The following MIB1 variants were observed in gnomAD, a reference collection of about 807,000 sequenced individuals.
MIB1 encodes the protein E3 ubiquitin-protein ligase MIB1.
MIB1 carries 278 observed loss-of-function variants against 124.5 expected under a neutral mutation model. That is an observed-to-expected ratio of 2.23 (90% CI 2.02 to 2.47). The LOEUF is 2.47. Among genes scored for constraint, MIB1 ranks in the 30% most tolerant of loss-of-function variants. The pLI, the probability that MIB1 is intolerant of heterozygous loss-of-function variation, is 0.00. For missense variants in MIB1, 957 were observed against 1,254.4 expected (o/e 0.76, Z 3.58); for synonymous variants, 446 against 429.4 (o/e 1.04, Z -0.48).
intron 4 of MIB1, among the ~76,000 whole-genome samples, chr18:21,776,819 A>G (rs1186793280): frequency 6.6e-6 from 1 of 151,916 alleles, no homozygotes; most frequent in Non-Finnish European, 1.5e-5. Context: ...CCTCGTAAAA[A>G]TACAAATATT....
intron 10 of MIB1, among the ~76,000 whole-genome samples, chr18:21,813,189 G>A (rs1345188623): frequency 6.7e-6 from 1 of 148,498 alleles, no homozygotes; most frequent in African/African-American, 2.5e-5. Context: ...TTTTTTAATG[G>A]AAGGTGAATC....
chr18:21,778,576 G>C (rs970992340), intron 5 of MIB1, among the ~76,000 whole-genome samples: 1 of 151,922 alleles, frequency 6.6e-6, no homozygotes, highest in Non-Finnish European at 1.5e-5. Context: ...GATAATATAT[G>C]TAATTTCATG....
intron 13 of MIB1, among the ~76,000 whole-genome samples, chr18:21,840,653 ATATATATATATATTTTT>A (rs1240931270): frequency 0.06 from 1,677 of 27,926 alleles, 52 homozygotes; most frequent in African/African-American, 0.23. Context: ...ATATATATAT[ATATATATATATATTTTT>A]TTTTTTTTTT....
intron 3 of MIB1, among the ~76,000 whole-genome samples, 194 bp downstream of exon 3, chr18:21,768,946 G>A (rs1032998911): frequency 6.6e-6 from 1 of 152,050 alleles, no homozygotes; most frequent in African/African-American, 2.4e-5. Context: ...TCCTTAGAGG[G>A]TCATTAGGTA....
chr18:21,779,562 A>G lies in MIB1; in HGVS notation c.785A>G (p.Gln262Arg). The change falls in exon 6 of 21, where the codon CAG becomes CGG. Residue 262 changes from glutamine to arginine, a missense_variant. By Grantham distance (43) the Gln-to-Arg change is conservative (BLOSUM62 1). Transcript: ENST00000261537. ...ATAGATCTCGACCTCGAAATTGTACAGTCTTTGCAGCATGGTCATGGAGGA... is the reference window on the plus strand; with the variant it reads ...ATAGATCTCGACCTCGAAATTGTACGGTCTTTGCAGCATGGTCATGGAGGA... ...VNIDLDLEIV[Q>R]SLQHGHGGWT... The G allele has an allele frequency of 6.2e-7, 1 of 1,614,090 alleles. No homozygotes were observed. Among genetic ancestry groups the G allele is most frequent in the Non-Finnish European group, 8.5e-7 (1 of 1,179,976 alleles).
chr18:21,738,654 C>G (rs535161299), upstream of MIB1, among the ~76,000 whole-genome samples: 109 of 150,690 alleles, frequency 7.2e-4, 1 homozygote, highest in Non-Finnish European at 1.3e-3. Flanking sequence ...AAAAATACAA[C>G]AAATTAGCTG....
intron 13 of MIB1, among the ~76,000 whole-genome samples, chr18:21,838,950 T>C (rs1228685149): frequency 1.3e-5 from 2 of 152,220 alleles, no homozygotes; most frequent in African/African-American, 2.4e-5. Flanking sequence ...TATGGCTCGA[T>C]AGCAGTACAG....
chr18:21,752,135 G>A (rs2040981854), intron 1 of MIB1, among the ~76,000 whole-genome samples: 1 of 152,204 alleles, frequency 6.6e-6, no homozygotes. Context: ...AGCTTGAGCT[G>A]GTCAGCCTTT....
chr18:21,779,806 G>A (rs754118877), intron 6 of MIB1, 121 bp downstream of exon 6: 32 of 758,650 alleles, frequency 4.2e-5, no homozygotes, highest in Non-Finnish European at 6.6e-5. Flanking sequence ...TAGATGGTAA[G>A]TAAAAATCCA....
chr18:21,778,003 C>T (rs1449706793), intron 4 of MIB1, 100 bp from the exon 5 acceptor site: 31 of 792,176 alleles, frequency 3.9e-5, no homozygotes, highest in Non-Finnish European at 6.3e-5. Flanking sequence ...TTCTTGATTT[C>T]TGTTTTGGGT....
chr18:21,759,560 A>G (rs2041075036), intron 1 of MIB1, among the ~76,000 whole-genome samples: 1 of 152,274 alleles, frequency 6.6e-6, no homozygotes, highest in South Asian at 2.1e-4. Context: ...CATATTTAAA[A>G]AAATTCAGCA....
intron 3 of MIB1, among the ~76,000 whole-genome samples, chr18:21,773,271 A>C (rs1387365193): frequency 6.6e-6 from 1 of 152,172 alleles, no homozygotes. Context: ...TCTCAAAACC[A>C]AAAACCAAAA....
chr18:21,836,005 T>G (rs888260121), intron 12 of MIB1, among the ~76,000 whole-genome samples: 22 of 151,782 alleles, frequency 1.4e-4, no homozygotes, highest in Non-Finnish European at 2.1e-4. Context: ...TCCCAGCACT[T>G]TGGGAGGCTA....
chr18:21,769,417 G>A (rs1038373902), intron 3 of MIB1, among the ~76,000 whole-genome samples: 3 of 152,238 alleles, frequency 2.0e-5, no homozygotes, highest in Admixed American at 1.3e-4. Context: ...AGTGGAAGTA[G>A]GGATAAGAGC....
In MIB1 at chr18:21,713,643, A is replaced by T. The variant is rs1218506846; in HGVS notation, n.167+8520A>T. On this transcript the variant is annotated intron_variant and non_coding_transcript_variant, in intron 1 of 20. Coordinates refer to the MIB1 transcript ENST00000578646. ...AAAAAAAAAAAAAAAAAAAAGCTTA[A>T]TTAAGACAAGTTCTCATTATGTTGA... 1.8e-4 allele frequency among the ~76,000 whole-genome samples: 26 copies of T among 147,140 alleles called. 1 individual carries two copies. The East Asian group carries it at 4.9e-3, about 28-fold the overall frequency.
At chr18:21,816,158 A>T (rs1186216760) in intron 11 of MIB1, among the ~76,000 whole-genome samples, 1 of 152,204 alleles carries the variant, frequency 6.6e-6, no homozygotes, top group African/African-American at 2.4e-5. Flanking sequence ...CTTCATAACT[A>T]TTTAAATTAT....
chr18:21,790,153 T>C (rs1235810421), intron 6 of MIB1, among the ~76,000 whole-genome samples: 1 of 152,228 alleles, frequency 6.6e-6, no homozygotes, highest in Non-Finnish European at 1.5e-5. Flanking sequence ...ATCCATTAAA[T>C]TGGCAATGGT....
chr18:21,722,029 G>T (rs2040717750), intron 1 of MIB1, among the ~76,000 whole-genome samples: 1 of 152,160 alleles, frequency 6.6e-6, no homozygotes, highest in South Asian at 2.1e-4. Flanking sequence ...CTTCTGGTCT[G>T]TGATAGCTTC....
rs558227828 is a variant in MIB1 at position 21,835,495 on chromosome 18, C to T, written c.1830-2870C>T. 2.6e-3 allele frequency among the ~76,000 whole-genome samples: 401 copies of T among 152,074 alleles called. 1 individual carries two copies. Among genetic ancestry groups the T allele is most frequent in the Middle Eastern group, 0.01 (3 of 294 alleles). On this transcript the variant is annotated intron_variant, in intron 12 of 20. Transcript: ENST00000261537. ...CAAGAATATAGGAGGAGCCCGGGTG[C>T]GGTGGCTCACGCCTGTAATCCCAGC...
Sources: allele counts gnomAD v4.1 joint callset (sites outside exome capture counted in the v4.1 genomes callset), GRCh38; gene constraint gnomAD v4.1.1; transcripts MANE v1.5; gene names NCBI Gene and HGNC (gene_info 2026-07-23, HGNC 2026-07-21).